CNTN1: variants seen among roughly 807,000 people sequenced by gnomAD.
CNTN1 encodes the protein contactin 1, also known as contactin-1.
A neutral mutation model predicts 126.4 loss-of-function variants in CNTN1; 38 were observed. The observed-to-expected ratio is 0.30, with a 90% confidence interval of 0.23 to 0.39. The LOEUF (loss-of-function observed/expected upper bound fraction) is 0.39, where lower values mean the gene tolerates loss of function less well. Among genes scored for constraint, CNTN1 ranks in the 10% least tolerant of loss-of-function variants. CNTN1 has a pLI of 1.00. For missense variants in CNTN1, 1,009 were observed against 1,248.4 expected, an observed-to-expected ratio of 0.81 and a Z score of 2.89; for synonymous variants, 413 against 422.6, an observed-to-expected ratio of 0.98 and a Z score of 0.28.
At chr12:40,872,940 T>C (rs1943552890) in intron 1 of CNTN1, among the ~76,000 whole-genome samples, 1 of 152,224 alleles carries the variant, frequency 6.6e-6, no homozygotes, top group East Asian at 1.9e-4. Flanking sequence ...TACCCCATTT[T>C]AAAAAATGCA....
intron 23 of CNTN1, among the ~76,000 whole-genome samples, chr12:41,030,663 T>A (rs985130573): frequency 3.3e-5 from 5 of 152,160 alleles, no homozygotes; most frequent in African/African-American, 1.2e-4. Context: ...ATAATACTTT[T>A]AGAGTCCATT....
intron 1 of CNTN1, among the ~76,000 whole-genome samples, chr12:40,863,623 G>A (rs112390049): frequency 7.2e-5 from 11 of 152,126 alleles, no homozygotes; most frequent in African/African-American, 2.7e-4. Context: ...GTGAGCAGCA[G>A]ATGTGCAAAT....
At position 40,767,612 on chromosome 12, in the gene CNTN1, T is replaced by TTTTG. The variant is rs59423116; in HGVS notation, c.-77+75057_-77+75060dup. Among the ~76,000 whole-genome samples, 866 of 144,824 alleles carry TTTTG rather than the reference T, an allele frequency of 6.0e-3. 4 individuals carry two copies. Among genetic ancestry groups the TTTTG allele is most frequent in the Middle Eastern group, 0.01 (3 of 286 alleles). ...CATGAGCCACGGCTCCTGGCCCTTT[T>TTTTG]TTTGTTTGTTTGTTTGTTTGTTTGT... On this transcript the variant is annotated intron_variant, in intron 1 of 23. Coordinates refer to ENST00000551295, the MANE Select transcript of CNTN1 (RefSeq NM_001843.4).
chr12:40,959,113 G>C lies in CNTN1; in HGVS notation c.1684-1G>C. 1 of 1,612,298 alleles carries C rather than the reference G, an allele frequency of 6.2e-7. No homozygotes were observed. The highest frequency in any genetic ancestry group is 8.5e-7 in the Non-Finnish European group (1 of 1,178,900). ...TGAATAATTGCTGTTTTTGCTAACA[G>C]CTGGATTCCAATGGGGAATTACTAA... On this transcript the variant is annotated splice_acceptor_variant, in intron 14 of 23. Coordinates refer to ENST00000551295, the MANE Select transcript of CNTN1 (RefSeq NM_001843.4). LOFTEE classifies it high-confidence loss of function.
chr12:40,978,901 G>A (rs1424318761), intron 15 of CNTN1: 1 of 151,946 alleles, frequency 6.6e-6, no homozygotes, highest in Non-Finnish European at 1.5e-5. Context: ...TGCATTACAG[G>A]GCTTTTTCTT....
intron 20 of CNTN1, among the ~76,000 whole-genome samples, chr12:41,024,334 AT>A (rs1459416438): frequency 6.6e-6 from 1 of 152,034 alleles, no homozygotes; most frequent in East Asian, 1.9e-4. Flanking sequence ...TTTTCTTTTT[AT>A]TCTTATATTA....
At chr12:40,787,849 T>G (rs959949142) in intron 1 of CNTN1, among the ~76,000 whole-genome samples, 1 of 152,150 alleles carries the variant, frequency 6.6e-6, no homozygotes, top group Non-Finnish European at 1.5e-5. Flanking sequence ...ATTTAATAAT[T>G]TACTAAATTT....
chr12:40,753,612 G>A (rs1938487690), intron 1 of CNTN1, among the ~76,000 whole-genome samples: 1 of 152,138 alleles, frequency 6.6e-6, no homozygotes, highest in African/African-American at 2.4e-5. Flanking sequence ...ACTATCCAGA[G>A]AGCAACGTGG....
At chr12:40,940,506 A>G (rs983692696) in intron 12 of CNTN1, among the ~76,000 whole-genome samples, 4 of 152,206 alleles carry the variant, frequency 2.6e-5, no homozygotes, top group African/African-American at 9.6e-5. Flanking sequence ...TATTTTCTTC[A>G]CAGTAACCCA....
intron 1 of CNTN1, among the ~76,000 whole-genome samples, chr12:40,780,501 A>T (rs1939750274): frequency 6.6e-6 from 1 of 151,814 alleles, no homozygotes; most frequent in South Asian, 2.1e-4. Flanking sequence ...TTCCCATGCT[A>T]CCTATCAAAA....
At chr12:40,901,091 C>A (rs550356672) in intron 1 of CNTN1, among the ~76,000 whole-genome samples, 1 of 152,258 alleles carries the variant, frequency 6.6e-6, no homozygotes, top group African/African-American at 2.4e-5. Context: ...TGTACATTTT[C>A]GTATCTGATC....
rs755406558 is a variant in CNTN1, at chr12:40,825,913, C to A, written c.-76-82444C>A. Among the ~76,000 whole-genome samples the A allele has an allele frequency of 2.6e-5, 4 of 151,990 alleles. No individual in the cohort carries two copies. In the South Asian group the frequency reaches 8.3e-4, roughly 32 times the overall value. ...TCTCATCTCTGTCTCCATCTTTAGACAATTGAATCCTGAAACTTAACCAAG... is the reference window on the plus strand; with the variant it reads ...TCTCATCTCTGTCTCCATCTTTAGAAAATTGAATCCTGAAACTTAACCAAG... On this transcript the variant is annotated intron_variant, in intron 1 of 23. Coordinates refer to ENST00000551295, the MANE Select transcript of CNTN1 (RefSeq NM_001843.4).
chr12:41,048,215 C>T (rs1428788454), intron 23 of CNTN1, among the ~76,000 whole-genome samples: 1 of 152,200 alleles, frequency 6.6e-6, no homozygotes, highest in Non-Finnish European at 1.5e-5. Flanking sequence ...ACCTTGAATT[C>T]ATGACCACAA....
intron 7 of CNTN1, among the ~76,000 whole-genome samples, chr12:40,930,987 A>G (rs191686178): frequency 1.3e-5 from 2 of 151,982 alleles, no homozygotes; most frequent in East Asian, 3.9e-4. Context: ...TATACTTGCA[A>G]TTCAGCACTT....
intron 16 of CNTN1, among the ~76,000 whole-genome samples, chr12:40,983,880 TTATGCTATTATAGCATATTTTATTA>T (rs1232385000): frequency 7.8e-4 from 54 of 68,972 alleles, no homozygotes; most frequent in East Asian, 6.2e-3. Flanking sequence ...ATATTTTATT[TTATGCTATTATAGCATATTTTATTA>T]TATGCTATTA....
chr12:40,881,689 G>A (rs1485794866), intron 1 of CNTN1, among the ~76,000 whole-genome samples: 1 of 151,888 alleles, frequency 6.6e-6, no homozygotes, highest in Non-Finnish European at 1.5e-5. Context: ...GCAGCTATTA[G>A]TTCAGTAACA....
At chr12:41,000,985 A>G (rs545144450) in intron 17 of CNTN1, among the ~76,000 whole-genome samples, 9 of 152,316 alleles carry the variant, frequency 5.9e-5, no homozygotes, top group Admixed American at 4.6e-4. Context: ...ATGGCTGCAT[A>G]GTATTCCATG....
At chr12:41,037,663 TACACACACACACACACACAC>T (rs55890336) in intron 23 of CNTN1, among the ~76,000 whole-genome samples, 7 of 144,402 alleles carry the variant, frequency 4.8e-5, no homozygotes, top group Non-Finnish European at 1.1e-4. Flanking sequence ...GTGTGTTTAA[TACACACACACACACACACAC>T]ACACACACAC....
At chr12:40,964,855 A>G (rs1947249668) in intron 15 of CNTN1, among the ~76,000 whole-genome samples, 1 of 152,106 alleles carries the variant, frequency 6.6e-6, no homozygotes, top group Admixed American at 6.6e-5. Context: ...AAAGTACTAT[A>G]ATAGTTGCCT....
Sources: allele counts gnomAD v4.1 joint callset (sites outside exome capture counted in the v4.1 genomes callset), GRCh38; gene constraint gnomAD v4.1.1; transcripts MANE v1.5; gene names NCBI Gene and HGNC (gene_info 2026-07-23, HGNC 2026-07-21).